The following ENSA variants were observed in gnomAD, a reference collection of about 807,000 sequenced individuals.
ENSA encodes alpha-endosulfine.
ENSA carries 7 observed loss-of-function variants against 16.8 expected under a neutral mutation model. That is an observed-to-expected ratio of 0.42 (90% confidence interval 0.24 to 0.78). ENSA has a LOEUF of 0.78. ENSA is among the 30% of genes least tolerant of loss of function. The probability of loss-of-function intolerance (pLI) is 0.29; values close to 1 mark genes in which losing one functional copy is unlikely to be tolerated. For missense variants in ENSA, 87 were observed against 142.3 expected, an observed-to-expected ratio of 0.61 and a Z score of 1.98; for synonymous variants, 58 against 53.4, an observed-to-expected ratio of 1.09 and a Z score of -0.37.
chr1:150,623,999 A>G (rs1649139270), intron 3 of ENSA: 3 of 985,456 alleles, frequency 3.0e-6, no homozygotes, highest in East Asian at 1.1e-4. Flanking sequence ...AATGTTTGGC[A>G]TATCAGAATT....
At chr1:150,625,844 C>T in intron 2 of ENSA, 36 bp from the exon 3 acceptor site, 2 of 1,530,556 alleles carry the variant, frequency 1.3e-6, no homozygotes, top group African/African-American at 2.8e-5. Context: ...TGAGTGAGGA[C>T]TCTGGCCTTC....
intron 1 of ENSA, chr1:150,629,208 A>G: frequency 6.3e-7 from 1 of 1,592,788 alleles, no homozygotes; most frequent in Non-Finnish European, 8.6e-7. Flanking sequence ...TTGGCCAATC[A>G]GGAAGAGTAC....
At position 150,622,893 on chromosome 1, in the gene ENSA, C is replaced by A. The variant is rs770715460; in HGVS notation, c.351-34G>T. 894 of 1,421,074 alleles carry A rather than the reference C, an allele frequency of 6.3e-4. 3 individuals are homozygous for A. In the African/African-American group the frequency reaches 8.8e-3, roughly 14 times the overall value. 88.0% of individuals were successfully genotyped at this position (1,421,074 alleles called of 1,614,324 possible). ...GAACACAGAAGAAAAAAAAAAAAAACAACACTGTCAAGTAATAGGGGAAAA... is the reference window on the plus strand; with the variant it reads ...GAACACAGAAGAAAAAAAAAAAAAAAAACACTGTCAAGTAATAGGGGAAAA... On this transcript the variant is annotated intron_variant, in intron 3 of 3. Coordinates refer to ENST00000369014, the MANE Select transcript of ENSA (RefSeq NM_004436.4).
intron 3 of ENSA, chr1:150,623,776 CA>C (rs1649119247): frequency 2.0e-6 from 2 of 985,714 alleles, no homozygotes; most frequent in Non-Finnish European, 2.4e-6. Flanking sequence ...GCAAGAAACA[CA>C]AAAATTATAT....
rs1243632217 is a variant in ENSA, at chr1:150,623,007, T to C, written c.351-148A>G. The C allele has an allele frequency of 2.3e-5, 26 of 1,112,340 alleles. No individual in the cohort carries two copies. The East Asian group carries it at 7.7e-4, about 33-fold the overall frequency. The allele number at this position is 1,112,340 out of a possible 1,614,324, so 68.9% of individuals were successfully genotyped here. On this transcript the variant is annotated intron_variant, in intron 3 of 3. Transcript: ENST00000369014. ...ACCTGGCATGTCTCAATCCTATCCA[T>C]AAGGGAGTTGCAAAAAAAATCAAAA...
Position 150,629,581 on chromosome 1 carries a change from G to A in ENSA, c.-111C>T. On this transcript the variant is annotated 5_prime_UTR_variant, in exon 1 of 4. Transcript: ENST00000369014. ...TGCTGCTTCGGCTCCTGTCACTAGG[G>A]TTGCTCAGTCAAAATGGCGGCCCTT... is the stretch of plus-strand genomic sequence containing the variant. The A allele has an allele frequency of 7.2e-7, 1 of 1,393,202 alleles. No individual in the cohort carries two copies. Among genetic ancestry groups the A allele is most frequent in the South Asian group, 1.3e-5 (1 of 74,386 alleles). The allele number at this position is 1,393,202 out of a possible 1,614,324, so 86.3% of individuals were successfully genotyped here.
chr1:150,622,527 A>C lies in ENSA; in HGVS notation c.*317T>G. 5.7e-6 allele frequency: 2 copies of C among 350,936 alleles called. No individual in the cohort carries two copies. Among genetic ancestry groups the C allele is most frequent in the African/African-American group, 2.1e-5 (1 of 47,592 alleles). 21.7% of individuals were successfully genotyped at this position (350,936 alleles called of 1,614,324 possible). On this transcript the variant is annotated 3_prime_UTR_variant, in exon 4 of 4. Transcript: ENST00000369014. Reference sequence around the variant, plus strand: ...AGTCAGGAATGTTTTTACCAACTCCAAGCCCTAATTCATACTCCTCCATAT... The same window carrying C: ...AGTCAGGAATGTTTTTACCAACTCCCAGCCCTAATTCATACTCCTCCATAT...
At position 150,622,751 on chromosome 1, in the gene ENSA, G is replaced by A. The variant is rs1389603699; in HGVS notation, c.*93C>T. ...CACCCGAGCCACCTCCTGACCCCTG[G>A]CTGCAAAAGCAGGAAGGGGCAGGAG... On this transcript the variant is annotated 3_prime_UTR_variant, in exon 4 of 4. Coordinates refer to ENST00000369014, the MANE Select transcript of ENSA (RefSeq NM_004436.4). 5 of 1,421,760 alleles carry A rather than the reference G, an allele frequency of 3.5e-6. No individual in the cohort carries two copies. Among genetic ancestry groups the A allele is most frequent in the Non-Finnish European group, 3.8e-6 (4 of 1,051,134 alleles). 88.1% of individuals were successfully genotyped at this position (1,421,760 alleles called of 1,614,324 possible).
chr1:150,624,469 C>A, intron 3 of ENSA: 2 of 985,922 alleles, frequency 2.0e-6, no homozygotes, highest in Non-Finnish European at 2.4e-6. Flanking sequence ...TTTCCTCAGG[C>A]CTGCAGCTCC....
Position 150,625,636 on chromosome 1 carries a change from G to A in ENSA, c.350+6C>T. 1 of 1,595,880 alleles carries A rather than the reference G, an allele frequency of 6.3e-7. No homozygotes were observed. Among genetic ancestry groups the A allele is most frequent in the Non-Finnish European group, 8.5e-7 (1 of 1,169,818 alleles). On this transcript the variant is annotated splice_donor_region_variant and intron_variant, in intron 3 of 3. Transcript: ENST00000369014. Reference sequence around the variant, plus strand: ...AGGAAGGGGAGGAGAGGGGGGCTCAGGTTACCCCGCAAGCTTGCTGGTGAC... The same window carrying A: ...AGGAAGGGGAGGAGAGGGGGGCTCAAGTTACCCCGCAAGCTTGCTGGTGAC...
At chr1:150,628,991 C>T (rs1649546110) in intron 1 of ENSA, 2 of 1,519,142 alleles carry the variant, frequency 1.3e-6, no homozygotes, top group Admixed American at 1.8e-5. Flanking sequence ...TTTTTTTAAA[C>T]GTCTTTACCT....
intron 3 of ENSA, chr1:150,625,065 C>A: frequency 1.0e-6 from 1 of 985,336 alleles, no homozygotes; most frequent in Non-Finnish European, 1.2e-6. Context: ...AGAGCCAGAG[C>A]AAACTGTAAG....
At chr1:150,623,612 A>G (rs1453354353) in intron 3 of ENSA, 4 of 981,722 alleles carry the variant, frequency 4.1e-6, no homozygotes, top group Non-Finnish European at 4.8e-6. Context: ...TCGGAGATGA[A>G]GAAAACGTAC....
intron 1 of ENSA, 91 bp from the exon 2 acceptor site, chr1:150,627,683 G>T: frequency 7.3e-7 from 1 of 1,368,766 alleles, no homozygotes. Context: ...ACTTCTCCTG[G>T]AAATCCACCC....
At chr1:150,625,896 C>T (rs775838929) in intron 2 of ENSA, 88 bp from the exon 3 acceptor site, 136 of 1,480,268 alleles carry the variant, frequency 9.2e-5, no homozygotes, top group Non-Finnish European at 1.2e-4. Flanking sequence ...CATTATAAAC[C>T]CTCATGCACA....
intron 2 of ENSA, chr1:150,626,329 G>T: frequency 1.4e-6 from 1 of 690,286 alleles, no homozygotes; most frequent in Non-Finnish European, 2.5e-6. Context: ...TTTTCCTTCT[G>T]ACTCTCACAG....
intron 1 of ENSA, among the ~76,000 whole-genome samples, chr1:150,628,007 T>A (rs1475043285): frequency 6.6e-6 from 1 of 151,386 alleles, no homozygotes. Context: ...AAAAAAAAAA[T>A]AGTTTGGGGC....
At chr1:150,626,516 G>A in intron 2 of ENSA, 1 of 1,613,590 alleles carries the variant, frequency 6.2e-7, no homozygotes, top group Non-Finnish European at 8.5e-7. Flanking sequence ...CCAATGTAAT[G>A]ATTTATAATC....
intron 1 of ENSA, chr1:150,629,043 G>A (rs1557772374): frequency 6.2e-7 from 1 of 1,613,414 alleles, no homozygotes; most frequent in Non-Finnish European, 8.5e-7. Context: ...GCCCCAGCCC[G>A]GTTGCTGGGT....
Sources: allele counts gnomAD v4.1 joint callset (sites outside exome capture counted in the v4.1 genomes callset), GRCh38; gene constraint gnomAD v4.1.1; transcripts MANE v1.5; gene names NCBI Gene and HGNC (gene_info 2026-07-23, HGNC 2026-07-21).